PRKAR1A: variants seen among roughly 807,000 people sequenced by gnomAD.
The protein encoded by PRKAR1A is protein kinase cAMP-dependent type I regulatory subunit alpha, also known as cAMP-dependent protein kinase type I-alpha regulatory subunit.
PRKAR1A carries 3 observed loss-of-function variants against 52.0 expected under a neutral mutation model. The ratio of observed to expected loss-of-function variants is 0.06; its 90% CI spans 0.03 to 0.15. PRKAR1A has a LOEUF of 0.15. PRKAR1A is among the 10% of genes least tolerant of loss of function. The pLI, the probability that PRKAR1A is intolerant of heterozygous loss-of-function variation, is 1.00. For synonymous variants in PRKAR1A, 188 were observed against 168.4 expected (o/e 1.12, Z -0.90); for missense variants, 240 against 477.4 (o/e 0.50, Z 4.63).
chr17:68,420,679 A>G, the PRKAR1A span: 1 of 594,042 alleles, frequency 1.7e-6, no homozygotes, highest in East Asian at 2.9e-5. Flanking sequence ...AGTGTGCCTT[A>G]ATGGGAAGCA....
chr17:68,443,538 T>G, the PRKAR1A span, among the ~76,000 whole-genome samples: 1 of 152,068 alleles, frequency 6.6e-6, no homozygotes, highest in African/African-American at 2.4e-5. Flanking sequence ...TGCATGGCAG[T>G]TCCTGTGCTG....
chr17:68,424,871 C>T, the PRKAR1A span, among the ~76,000 whole-genome samples: 1 of 152,220 alleles, frequency 6.6e-6, no homozygotes, highest in Admixed American at 6.5e-5. Flanking sequence ...AGCAAGACTC[C>T]GTCTCAAAAA....
the PRKAR1A span, among the ~76,000 whole-genome samples, chr17:68,442,456 C>T: frequency 7.2e-6 from 1 of 139,670 alleles, no homozygotes; most frequent in Non-Finnish European, 1.5e-5. Flanking sequence ...CAGAGTGAGA[C>T]TGTGTCTCAA....
chr17:68,515,649 T>G, intron 2 of PRKAR1A, 73 bp downstream of exon 2: 1 of 1,495,140 alleles, frequency 6.7e-7, no homozygotes. Flanking sequence ...ATGTTACTAA[T>G]TTGTATTTTT....
chr17:68,528,331 C>T (rs2085855031), intron 8 of PRKAR1A, among the ~76,000 whole-genome samples: 1 of 152,134 alleles, frequency 6.6e-6, no homozygotes, highest in African/African-American at 2.4e-5. Flanking sequence ...CAGGCTTCTG[C>T]CATTGTTTAT....
intron 10 of PRKAR1A, 59 bp from the exon 11 acceptor site, chr17:68,530,218 T>A: frequency 6.3e-7 from 1 of 1,587,948 alleles, no homozygotes; most frequent in Non-Finnish European, 8.6e-7. Context: ...AGAAGTGCAC[T>A]GCTTTAAGGA....
chr17:68,447,925 A>G, the PRKAR1A span, among the ~76,000 whole-genome samples: 4 of 143,208 alleles, frequency 2.8e-5, no homozygotes, highest in African/African-American at 1.0e-4. Flanking sequence ...CACGGGAGGT[A>G]GAGGTTGTGG....
At chr17:68,542,644 T>C in intron 11 of PRKAR1A, 4 of 1,420,668 alleles carry the variant, frequency 2.8e-6, no homozygotes, top group Non-Finnish European at 4.0e-6. Context: ...GTGGACACTC[T>C]GGCTTACGAT....
chr17:68,423,727 T>C, the PRKAR1A span, among the ~76,000 whole-genome samples: 1 of 152,106 alleles, frequency 6.6e-6, no homozygotes, highest in Non-Finnish European at 1.5e-5. This position sits in a 1 kb window ranked among gnomAD's most constrained non-coding sequence, Gnocchi z 4.4. Context: ...ATTAAGCACC[T>C]CCCCTTTTCC....
At chr17:68,523,040 C>A in intron 3 of PRKAR1A, 114 bp downstream of exon 3, 2 of 1,298,788 alleles carry the variant, frequency 1.5e-6, no homozygotes, top group Non-Finnish European at 2.1e-6. Context: ...CTTCATCCAT[C>A]CTGTACAATT....
the PRKAR1A span, chr17:68,421,831 C>A: frequency 6.2e-7 from 1 of 1,614,142 alleles, no homozygotes; most frequent in Admixed American, 1.7e-5. Flanking sequence ...CTACCAAAAT[C>A]AAAACAGAAT....
the PRKAR1A span, chr17:68,420,931 C>G: frequency 6.2e-6 from 1 of 161,272 alleles, no homozygotes; most frequent in African/African-American, 2.4e-5. Context: ...GAGCTTCTCT[C>G]TCTTTTCTCT....
the PRKAR1A span, among the ~76,000 whole-genome samples, chr17:68,453,938 T>A: frequency 1.3e-5 from 2 of 152,184 alleles, no homozygotes; most frequent in Non-Finnish European, 2.9e-5. Context: ...GATTTGAAGT[T>A]CAAGTATTCT....
rs1410577712 is a variant in PRKAR1A, at chr17:68,532,753, A to G, written c.*2304A>G. ...AGGTCAAGTAATAAAAAGAGATGAA[A>G]TAATTTAAATTCTTAAATGAATCAG... is the stretch of plus-strand genomic sequence containing the variant. On this transcript the variant is annotated 3_prime_UTR_variant, in exon 11 of 11. Transcript: ENST00000589228. The G allele has an allele frequency of 2.8e-6, 3 of 1,066,108 alleles. No homozygotes were observed. The highest frequency in any genetic ancestry group is 3.4e-6 in the Non-Finnish European group (3 of 879,544). The allele number at this position is 1,066,108 out of a possible 1,614,324, so 66.0% of individuals were successfully genotyped here. A position where few individuals can be genotyped will look rare whatever the true frequency, so the allele number is the denominator to read the frequency against.
chr17:68,443,884 A>T, the PRKAR1A span, among the ~76,000 whole-genome samples: 3 of 152,210 alleles, frequency 2.0e-5, no homozygotes, highest in African/African-American at 4.8e-5. Context: ...GTTTACTCCT[A>T]GCTTGATGAA....
the PRKAR1A span, among the ~76,000 whole-genome samples, chr17:68,492,113 G>A: frequency 5.3e-3 from 801 of 152,318 alleles, 15 homozygotes; most frequent in African/African-American, 0.019. Context: ...AACAGGGAGC[G>A]TGTGTTTAAG....
chr17:68,531,273 G>A lies in PRKAR1A; in HGVS notation c.*824G>A, dbSNP rs564055728. ...CAAATAATTGATCAGATGCTGAATT[G>A]AGAATAAGAATTTGAGGTCTACATT... On this transcript the variant is annotated 3_prime_UTR_variant, in exon 11 of 11. Transcript: ENST00000589228. The A allele has an allele frequency of 5.6e-6, 6 of 1,066,302 alleles. No homozygotes were observed. The African/African-American group carries it at 9.8e-5, about 17-fold the overall frequency. The allele number at this position is 1,066,302 out of a possible 1,614,324, so 66.1% of individuals were successfully genotyped here. A position where few individuals can be genotyped will look rare whatever the true frequency, so the allele number is the denominator to read the frequency against.
chr17:68,495,194 T>A, the PRKAR1A span, among the ~76,000 whole-genome samples: 1 of 151,866 alleles, frequency 6.6e-6, no homozygotes, highest in Non-Finnish European at 1.5e-5. Context: ...GCCCTGCTAA[T>A]TTTTTTAAAA....
At chr17:68,424,565 C>T in the PRKAR1A span, 2 of 521,166 alleles carry the variant, frequency 3.8e-6, no homozygotes, top group Admixed American at 2.0e-5. Context: ...GGAGCTGATG[C>T]TCCAAGTCTT....
Sources: allele counts gnomAD v4.1 joint callset (sites outside exome capture counted in the v4.1 genomes callset), GRCh38; gene constraint gnomAD v4.1.1; non-coding constraint Gnocchi (gnomAD v3.1); transcripts MANE v1.5; gene names NCBI Gene and HGNC (gene_info 2026-07-23, HGNC 2026-07-21).